The following HSD17B3 variants were observed in gnomAD, a reference collection of about 807,000 sequenced individuals.
HSD17B3 encodes hydroxysteroid 17-beta dehydrogenase 3.
Under a neutral mutation model 41.1 loss-of-function variants are expected in HSD17B3, and 29 were observed. The ratio of observed to expected loss-of-function variants is 0.71; its 90% confidence interval spans 0.53 to 0.96. HSD17B3 has a LOEUF of 0.96. Among genes scored for constraint, HSD17B3 ranks in the 40% least tolerant of loss-of-function variants. The pLI, the probability that HSD17B3 is intolerant of heterozygous loss-of-function variation, is 0.00. For synonymous variants in HSD17B3, 126 were observed against 145.6 expected (o/e 0.87, Z 0.97); for missense variants, 323 against 374.6 (o/e 0.86, Z 1.14).
chr9:96,262,513 G>A (rs1013526408), intron 2 of HSD17B3, among the ~76,000 whole-genome samples: 31 of 151,388 alleles, frequency 2.0e-4, no homozygotes, highest in African/African-American at 7.3e-4. Context: ...CAAAGTGTTG[G>A]GATTACAGGT....
intron 2 of HSD17B3, among the ~76,000 whole-genome samples, chr9:96,266,795 G>T (rs1303001500): frequency 6.6e-6 from 1 of 152,128 alleles, no homozygotes; most frequent in African/African-American, 2.4e-5. Context: ...AGGCATTGAG[G>T]ACAGGGCCCT....
chr9:96,250,684 C>G (rs577198839), intron 5 of HSD17B3, among the ~76,000 whole-genome samples: 1 of 152,096 alleles, frequency 6.6e-6, no homozygotes, highest in East Asian at 1.9e-4. Context: ...GTCAGGCGTT[C>G]GAGACCAGCC....
At chr9:96,280,368 A>T (rs1826642188) in intron 2 of HSD17B3, among the ~76,000 whole-genome samples, 1 of 152,218 alleles carries the variant, frequency 6.6e-6, no homozygotes, top group African/African-American at 2.4e-5. Flanking sequence ...CAGTATAAAT[A>T]ATTTCCTCAG....
intron 2 of HSD17B3, among the ~76,000 whole-genome samples, chr9:96,278,556 G>C (rs560792689): frequency 2.6e-5 from 4 of 152,082 alleles, no homozygotes; most frequent in Non-Finnish European, 4.4e-5. Flanking sequence ...CGTGGGGCTT[G>C]AGTGGGGCCA....
intron 2 of HSD17B3, among the ~76,000 whole-genome samples, chr9:96,276,544 AC>A (rs1826465971): frequency 6.6e-6 from 1 of 152,246 alleles, no homozygotes; most frequent in Non-Finnish European, 1.5e-5. Flanking sequence ...TGCTTTACTA[AC>A]ATTAAAAAAG....
Position 96,298,466 on chromosome 9 carries a change from T to C in HSD17B3, c.155-4A>G. On this transcript the variant is annotated splice_region_variant and splice_polypyrimidine_tract_variant and intron_variant, in intron 1 of 10. Transcript: ENST00000375263. ...CCATCGCCTGCTCCAGTGATCACTG[T>C]GAAAAGCAAGAATGCTTTTAAAAGA... 1 of 1,612,800 alleles carries C rather than the reference T, an allele frequency of 6.2e-7. No individual in the cohort carries two copies. Among genetic ancestry groups the C allele is most frequent in the South Asian group, 1.1e-5 (1 of 91,064 alleles).
intron 6 of HSD17B3, 59 bp from the exon 7 acceptor site, chr9:96,246,649 G>A (rs550892056): frequency 9.6e-5 from 145 of 1,508,598 alleles, no homozygotes; most frequent in Non-Finnish European, 1.2e-4. Context: ...GCAAGGGGGC[G>A]GGATGGAAAC....
At chr9:96,237,959 G>A (rs1387253571) in intron 10 of HSD17B3, among the ~76,000 whole-genome samples, 1 of 151,916 alleles carries the variant, frequency 6.6e-6, no homozygotes, top group Non-Finnish European at 1.5e-5. Context: ...GTGAGCCCCA[G>A]TCTCTACCAA....
At chr9:96,264,603 C>T (rs778578892) in intron 2 of HSD17B3, among the ~76,000 whole-genome samples, 4 of 152,118 alleles carry the variant, frequency 2.6e-5, no homozygotes, top group Non-Finnish European at 5.9e-5. Context: ...GAACTCCTAG[C>T]CTCAAGTGAT....
intron 1 of HSD17B3, 68 bp from the exon 2 acceptor site, chr9:96,298,530 G>T: frequency 7.4e-7 from 1 of 1,357,984 alleles, no homozygotes; most frequent in Non-Finnish European, 1.1e-6. Flanking sequence ...CACTGGCCAC[G>T]TTTTCTCACA....
At chr9:96,260,732 T>C (rs1480850167) in intron 2 of HSD17B3, among the ~76,000 whole-genome samples, 1 of 152,168 alleles carries the variant, frequency 6.6e-6, no homozygotes, top group Non-Finnish European at 1.5e-5. Flanking sequence ...ACCACTGTAC[T>C]CCAGCCTGGC....
intron 9 of HSD17B3, among the ~76,000 whole-genome samples, chr9:96,241,977 G>GAAAA (rs1836464404): frequency 8.7e-6 from 1 of 114,552 alleles, no homozygotes. Context: ...AAGAAAGAAA[G>GAAAA]AAAGAAAGAA....
chr9:96,248,972 C>G (rs1836785831), intron 6 of HSD17B3, among the ~76,000 whole-genome samples: 1 of 151,452 alleles, frequency 6.6e-6, no homozygotes. Context: ...GTGACACAGT[C>G]TCAGCTCACT....
At position 96,251,409 on chromosome 9, in the gene HSD17B3, C is replaced by A; in HGVS notation, c.453+9G>T. 1 of 1,612,742 alleles carries A rather than the reference C, an allele frequency of 6.2e-7. No individual in the cohort carries two copies. Among genetic ancestry groups the A allele is most frequent in the Non-Finnish European group, 8.5e-7 (1 of 1,178,776 alleles). On this transcript the variant is annotated intron_variant, in intron 5 of 10. Coordinates refer to ENST00000375263, the MANE Select transcript of HSD17B3 (RefSeq NM_000197.2). The stretch of plus-strand genomic sequence containing the variant: ...AGAGGAATCTATACACAGAAGAGCA[C>A]AAGTCTACCTGGATTTCATCCGGTG...
Position 96,241,961 on chromosome 9 carries a change from AAAAGAAAG to A in HSD17B3, c.673-1062_673-1055del, listed in dbSNP as rs10639612. On this transcript the variant is annotated intron_variant, in intron 9 of 10. Transcript: ENST00000375263. ...AAAAAAAAAAAAAGAAAAGAACAGA[AAAAGAAAG>A]AAAGAAAGAAAGAAAGAAAGAAAGA... 9.1e-4 allele frequency among the ~76,000 whole-genome samples: 92 copies of A among 100,698 alleles called. 1 individual carries two copies. In the South Asian group the frequency reaches 0.014, roughly 16 times the overall value. The allele number at this position is 100,698 out of a possible 152,430, so 66.1% of individuals were successfully genotyped here.
intron 2 of HSD17B3, among the ~76,000 whole-genome samples, chr9:96,265,113 C>T (rs1304706618): frequency 1.3e-5 from 2 of 152,168 alleles, no homozygotes; most frequent in Non-Finnish European, 2.9e-5. Flanking sequence ...TTTAACAATT[C>T]TCAGCCAGTG....
At chr9:96,261,725 A>G (rs538332683) in intron 2 of HSD17B3, among the ~76,000 whole-genome samples, 4 of 152,314 alleles carry the variant, frequency 2.6e-5, no homozygotes, top group East Asian at 3.9e-4. Flanking sequence ...GACCTGCCCA[A>G]TGCCTCTTCT....
chr9:96,259,315 T>C (rs562422028), intron 2 of HSD17B3, among the ~76,000 whole-genome samples: 1 of 152,122 alleles, frequency 6.6e-6, no homozygotes, highest in African/African-American at 2.4e-5. Context: ...CTGAATTATT[T>C]TGGATAGAAG....
At chr9:96,237,308 G>A (rs1276132079) in intron 10 of HSD17B3, among the ~76,000 whole-genome samples, 2 of 152,194 alleles carry the variant, frequency 1.3e-5, no homozygotes, top group Non-Finnish European at 2.9e-5. Context: ...GGCCATGTAG[G>A]AGCCAGAAAA....
Sources: allele counts gnomAD v4.1 joint callset (sites outside exome capture counted in the v4.1 genomes callset), GRCh38; gene constraint gnomAD v4.1.1; transcripts MANE v1.5; gene names NCBI Gene and HGNC (gene_info 2026-07-23, HGNC 2026-07-21).